MRPL2: variants seen among roughly 807,000 people sequenced by gnomAD.
MRPL2 encodes the protein mitochondrial ribosomal protein L2.
Under a neutral mutation model 34.6 loss-of-function variants are expected in MRPL2, and 27 were observed. That is an observed-to-expected ratio of 0.78 (90% confidence interval 0.58 to 1.08). The LOEUF is 1.08. MRPL2 is among the 50% of genes least tolerant of loss of function. MRPL2 has a pLI of 0.00. For missense variants in MRPL2, 414 were observed against 419.3 expected, an observed-to-expected ratio of 0.99 and a Z score of 0.11; for synonymous variants, 155 against 158.0, an observed-to-expected ratio of 0.98 and a Z score of 0.14.
intron 6 of MRPL2, among the ~76,000 whole-genome samples, 182 bp from the exon 7 acceptor site, chr6:43,054,668 G>A (rs1764771174): frequency 6.6e-6 from 1 of 152,198 alleles, no homozygotes; most frequent in African/African-American, 2.4e-5. Flanking sequence ...TGAAAACAAA[G>A]AGCTCACGCC....
At position 43,059,270 on chromosome 6, in the gene MRPL2, G is replaced by C. The variant is rs968813004; in HGVS notation, c.96+16C>G. 23 of 1,551,240 alleles carry C rather than the reference G, an allele frequency of 1.5e-5. No homozygotes were observed. The highest frequency in any genetic ancestry group is 1.7e-4 in the Middle Eastern group (1 of 6,014). On this transcript the variant is annotated intron_variant, in intron 1 of 6. Transcript: ENST00000388752. Reference sequence around the variant, plus strand: ...CCCGAATGGAAGCAGCCTTCTTCCCGGGTAAGATGGATTACCTGGGCGGCG... The same window carrying C: ...CCCGAATGGAAGCAGCCTTCTTCCCCGGTAAGATGGATTACCTGGGCGGCG...
At position 43,059,370 on chromosome 6, in the gene MRPL2, G is replaced by A. The variant is rs1765008278; in HGVS notation, c.12C>T (p.Cys4=). The change falls in exon 1 of 7, where the codon TGC becomes TGT. Residue 4 remains cysteine, a synonymous_variant. Transcript: ENST00000388752. MAL[C]ALTRALRSLN... ...GAGAGCGCAGAGCGCGGGTCAGTGC[G>A]CACAGGGCCATCAGCACGACACCCT... 1 of 1,550,556 alleles carries A rather than the reference G, an allele frequency of 6.4e-7. No individual in the cohort carries two copies. The highest frequency in any genetic ancestry group is 8.7e-7 in the Non-Finnish European group (1 of 1,146,332).
chr6:43,058,156 G>A lies in MRPL2; in HGVS notation c.174C>T (p.Ala58=), dbSNP rs1321262620. The change falls in exon 2 of 7, where the codon GCC becomes GCT. Residue 58 remains alanine (A), a synonymous_variant. Coordinates refer to ENST00000388752, the MANE Select transcript of MRPL2 (RefSeq NM_015950.5). ...LPCRPVLTSV[A]LNANFVSWKS... ...TCCAGGACACAAAGTTGGCATTAAG[G>A]GCCACAGAAGTAAGAACTGGGCGGC... 7 of 1,614,158 alleles carry A rather than the reference G, an allele frequency of 4.3e-6. No homozygotes were observed. The highest frequency in any genetic ancestry group is 5.9e-6 in the Non-Finnish European group (7 of 1,180,042).
At position 43,056,108 on chromosome 6, in the gene MRPL2, T is replaced by C. The variant is rs1413244079; in HGVS notation, c.493A>G (p.Asn165Asp). Reference protein sequence around the residue: ...ENMQAGDTILNSNHIGRMAVA... With the variant: ...ENMQAGDTILDSNHIGRMAVA... Reference sequence around the variant, plus strand: ...GCCATTCGGCCTATGTGGTTAGAGTTCAAGATTGTATCTCCAGCCTGCATG... The same window carrying C: ...GCCATTCGGCCTATGTGGTTAGAGTCCAAGATTGTATCTCCAGCCTGCATG... The change falls in exon 4 of 7, where the codon AAC becomes GAC. Residue 165 changes from asparagine to aspartate, a missense_variant. Coordinates refer to ENST00000388752, the MANE Select transcript of MRPL2 (RefSeq NM_015950.5). 1.2e-6 allele frequency: 2 copies of C among 1,614,090 alleles called. No individual in the cohort carries two copies. Among genetic ancestry groups the C allele is most frequent in the East Asian group, 4.5e-5 (2 of 44,900 alleles).
chr6:43,059,311 G>A lies in MRPL2; in HGVS notation c.71C>T (p.Ala24Val). The A allele has an allele frequency of 8.4e-6, 13 of 1,551,914 alleles. No individual in the cohort carries two copies. The highest frequency in any genetic ancestry group is 1.1e-5 in the Non-Finnish European group (13 of 1,147,272). The change falls in exon 1 of 7, where the codon GCC (alanine) becomes GTC (valine). Residue 24 changes from alanine to valine, a missense_variant. Coordinates refer to ENST00000388752, the MANE Select transcript of MRPL2 (RefSeq NM_015950.5). ...CTGGGCGGCGGGGAACAGACTCGGG[G>A]CAGGGGCGGCGACGGTCGGGGGCGC... ...NLAPPTVAAP[A>V]PSLFPAAQMM...
rs1229730458 is a variant in MRPL2, at chr6:43,054,170, C to G, written c.*104G>C. 3.3e-6 allele frequency: 3 copies of G among 919,536 alleles called. No homozygotes were observed. The highest frequency in any genetic ancestry group is 1.6e-5 in the South Asian group (1 of 61,002). The allele number at this position is 919,536 out of a possible 1,614,324, so 57.0% of individuals were successfully genotyped here. On this transcript the variant is annotated 3_prime_UTR_variant, in exon 7 of 7. Coordinates refer to ENST00000388752, the MANE Select transcript of MRPL2 (RefSeq NM_015950.5). ...GTTTAGTCTGTACCATCCCCTCCCC[C>G]GCAAAAAAAAAACAACAACAAAAAA...
Position 43,056,420 on chromosome 6 carries a change from G to A in MRPL2, c.291C>T (p.Gly97=), listed in dbSNP as rs770245574. ...TTCGATAACGTTGCTTGTGGCCCCCGCCAATACCATGCACCCGGATTCGGC... is the reference window on the plus strand; with the variant it reads ...TTCGATAACGTTGCTTGTGGCCCCCACCAATACCATGCACCCGGATTCGGC... ...HTGRIRVHGI[G]GGHKQRYRMI... Residue 97 remains glycine, a synonymous_variant, in exon 3 of 7, where the codon GGC becomes GGT. Coordinates refer to ENST00000388752, the MANE Select transcript of MRPL2 (RefSeq NM_015950.5). The A allele has an allele frequency of 1.2e-5, 20 of 1,614,040 alleles. No individual in the cohort carries two copies. The highest frequency in any genetic ancestry group is 9.3e-5 in the African/African-American group (7 of 74,906).
chr6:43,055,534 C>A lies in MRPL2; in HGVS notation c.705+11G>T. 1 of 1,613,630 alleles carries A rather than the reference C, an allele frequency of 6.2e-7. No homozygotes were observed. Among genetic ancestry groups the A allele is most frequent in the South Asian group, 1.1e-5 (1 of 91,058 alleles). ...CCTTTGCTGACCCCTCCCATCCATA[C>A]CCATACACACCTGCATCTGCCTCTT... On this transcript the variant is annotated intron_variant, in intron 6 of 6. Transcript: ENST00000388752.
At chr6:43,055,774 T>G in intron 5 of MRPL2, 123 bp downstream of exon 5, 1 of 1,241,732 alleles carries the variant, frequency 8.1e-7, no homozygotes, top group Non-Finnish European at 1.1e-6. Context: ...AACACATGCA[T>G]ATCTTCATCC....
intron 6 of MRPL2, among the ~76,000 whole-genome samples, chr6:43,055,090 T>C (rs1040629468): frequency 1.3e-5 from 2 of 149,846 alleles, no homozygotes; most frequent in East Asian, 4.1e-4. Context: ...TAGGGCCGGG[T>C]GTGGTGGCTC....
chr6:43,059,515 T>C (rs752635371), upstream of MRPL2: 1 of 1,434,752 alleles, frequency 7.0e-7, no homozygotes, highest in Non-Finnish European at 9.1e-7. Context: ...ACACACCTCC[T>C]TTCCTACCTG....
rs774796246 is a variant in MRPL2, at chr6:43,056,405, T to C, written c.306A>G (p.Gln102=). The C allele has an allele frequency of 5.0e-6, 8 of 1,614,078 alleles. No homozygotes were observed. Among genetic ancestry groups the C allele is most frequent in the African/African-American group, 4.0e-5 (3 of 74,918 alleles). Residue 102 remains glutamine (Q), a synonymous_variant, in exon 3 of 7, where the codon CAA becomes CAG. Coordinates refer to ENST00000388752, the MANE Select transcript of MRPL2 (RefSeq NM_015950.5). ...RVHGIGGGHK[Q]RYRMIDFLRF... is the part of the protein sequence containing the mutation. ...GCAGAAAGTCAATCATTCGATAACG[T>C]TGCTTGTGGCCCCCGCCAATACCAT...
At position 43,054,158 on chromosome 6, in the gene MRPL2, C is replaced by G; in HGVS notation, c.*116G>C. 1 of 838,116 alleles carries G rather than the reference C, an allele frequency of 1.2e-6. No homozygotes were observed. Among genetic ancestry groups the G allele is most frequent in the Non-Finnish European group, 1.9e-6 (1 of 537,968 alleles). 51.9% of individuals were successfully genotyped at this position (838,116 alleles called of 1,614,324 possible). A position where few individuals can be genotyped will look rare whatever the true frequency, so the allele number is the denominator to read the frequency against. ...TCTTTTCCCCACGTTTAGTCTGTAC[C>G]ATCCCCTCCCCCGCAAAAAAAAAAC... On this transcript the variant is annotated 3_prime_UTR_variant, in exon 7 of 7. Transcript: ENST00000388752.
At chr6:43,055,444 G>T in intron 6 of MRPL2, 101 bp downstream of exon 6, 2 of 1,115,528 alleles carry the variant, frequency 1.8e-6, no homozygotes, top group Non-Finnish European at 2.6e-6. Flanking sequence ...GCTCAAGGCA[G>T]TTCCTTGCAT....
intron 1 of MRPL2, chr6:43,058,965 G>A: frequency 1.6e-6 from 1 of 644,390 alleles, no homozygotes; most frequent in South Asian, 2.1e-5. Flanking sequence ...CTGCCTTATA[G>A]AGTATTTGAA....
Position 43,054,122 on chromosome 6 carries a change from C to T in MRPL2, c.*152G>A, listed in dbSNP as rs1042728831. Reference sequence around the variant, plus strand: ...CCAGTGTCCTGTACTTTCTCTTCCACACTTTTTACTTCTTTTCCCCACGTT... The same window carrying T: ...CCAGTGTCCTGTACTTTCTCTTCCATACTTTTTACTTCTTTTCCCCACGTT... On this transcript the variant is annotated 3_prime_UTR_variant, in exon 7 of 7. Coordinates refer to ENST00000388752, the MANE Select transcript of MRPL2 (RefSeq NM_015950.5). The T allele has an allele frequency of 8.8e-5, 60 of 679,658 alleles. No individual in the cohort carries two copies. Among genetic ancestry groups the T allele is most frequent in the Non-Finnish European group, 1.3e-4 (53 of 409,296 alleles). The allele number at this position is 679,658 out of a possible 1,614,324, so 42.1% of individuals were successfully genotyped here. A position where few individuals can be genotyped will look rare whatever the true frequency, so the allele number is the denominator to read the frequency against.
At chr6:43,059,524 T>C (rs1765022374), upstream of MRPL2, 9 of 1,430,210 alleles carry the variant, frequency 6.3e-6, no homozygotes, top group South Asian at 1.5e-5. Context: ...CTTTCCTACC[T>C]GAACGCCGTG....
chr6:43,059,155 G>C, intron 1 of MRPL2, 131 bp downstream of exon 1: 7 of 1,549,786 alleles, frequency 4.5e-6, no homozygotes, highest in Non-Finnish European at 6.1e-6. Context: ...CTGAGGCTAA[G>C]TGTGCCTTAT....
At chr6:43,056,921 C>T (rs1053480224) in intron 2 of MRPL2, among the ~76,000 whole-genome samples, 2 of 152,248 alleles carry the variant, frequency 1.3e-5, no homozygotes, top group Non-Finnish European at 2.9e-5. Context: ...GATCCGCCCA[C>T]CTTGGCCTCC....
Sources: allele counts gnomAD v4.1 joint callset (sites outside exome capture counted in the v4.1 genomes callset), GRCh38; gene constraint gnomAD v4.1.1; transcripts MANE v1.5; gene names NCBI Gene and HGNC (gene_info 2026-07-23, HGNC 2026-07-21).